Variants in ABCA3 observed in about 807,000 individuals in gnomAD.
The protein encoded by ABCA3 is phospholipid-transporting ATPase ABCA3.
ABCA3 carries 88 observed loss-of-function variants against 172.8 expected under a neutral mutation model. The ratio of observed to expected loss-of-function variants is 0.51; its 90% CI spans 0.43 to 0.61. The LOEUF is 0.61. Among genes scored for constraint, ABCA3 ranks in the 20% least tolerant of loss-of-function variants. The pLI is 0.00. For missense variants in ABCA3, 2,164 were observed against 2,301.0 expected (o/e 0.94, Z 1.22); for synonymous variants, 1,066 against 983.8 (o/e 1.08, Z -1.56).
chr16:2,304,062 C>T lies in ABCA3; in HGVS notation c.1374G>A (p.Leu458=), dbSNP rs1417602268. The change falls in exon 12 of 33, where the codon CTG becomes CTA. Residue 458 remains leucine, a synonymous_variant. Transcript: ENST00000301732. ...CFGQVLGMLL[L]DSVLYGLVTW... The stretch of plus-strand genomic sequence containing the variant: ...TCACCAGGCCATAGAGCACAGAGTC[C>T]AGCAGCAGCATCCCCAGCACCTGCC... 3 of 1,614,182 alleles carry T rather than the reference C, an allele frequency of 1.9e-6. No individual in the cohort carries two copies. Among genetic ancestry groups the T allele is most frequent in the Non-Finnish European group, 2.5e-6 (3 of 1,180,034 alleles).
intron 12 of ABCA3, among the ~76,000 whole-genome samples, chr16:2,303,141 C>T (rs886280125): frequency 6.6e-6 from 1 of 151,848 alleles, no homozygotes; most frequent in African/African-American, 2.4e-5. Flanking sequence ...GTCCATCCAT[C>T]TGTGCTCTAT....
intron 18 of ABCA3, among the ~76,000 whole-genome samples, chr16:2,292,816 AT>A (rs1462841797): frequency 2.0e-5 from 3 of 151,514 alleles, no homozygotes; most frequent in Admixed American, 6.6e-5. Context: ...CTACCCAGTC[AT>A]GGCGGCTTGT....
Position 2,304,978 on chromosome 16 carries a change from A to AT in ABCA3, c.1286-829dup, listed in dbSNP as rs552004074. Among the ~76,000 whole-genome samples, 1,330 of 151,570 alleles carry AT rather than the reference A, an allele frequency of 8.8e-3. 24 individuals carry two copies. The highest frequency in any genetic ancestry group is 0.03 in the African/African-American group (1,245 of 41,284). ...GCGTGAGCCACTGCAACCAGCCCTA[A>AT]TTTTTTTGTATTTTAGTAGAGATGG... On this transcript the variant is annotated intron_variant, in intron 11 of 32. Transcript: ENST00000301732.
In ABCA3 at chr16:2,286,421, C is replaced by A. The variant is rs780766622; in HGVS notation, c.3278+273G>T. On this transcript the variant is annotated intron_variant, in intron 22 of 32. Coordinates refer to ENST00000301732, the MANE Select transcript of ABCA3 (RefSeq NM_001089.3). This position sits in a 1 kb window ranked among gnomAD's most constrained non-coding sequence, Gnocchi z 5.2. ...AGCGAGGACAGTGGCTGACAGGAGC[C>A]AGGTAGATTTAGGAGGAGAAGGCAG... Among the ~76,000 whole-genome samples the A allele has an allele frequency of 7.9e-5, 12 of 151,500 alleles. No individual in the cohort carries two copies. The highest frequency in any genetic ancestry group is 1.6e-4 in the Non-Finnish European group (11 of 67,858).
rs1432917128 is a variant in ABCA3 at position 2,286,255 on chromosome 16, C to G, written c.3278+439G>C. 6.6e-6 allele frequency among the ~76,000 whole-genome samples: 1 copy of G among 152,162 alleles called. No individual in the cohort carries two copies. Among genetic ancestry groups the G allele is most frequent in the Non-Finnish European group, 1.5e-5 (1 of 68,018 alleles). On this transcript the variant is annotated intron_variant, in intron 22 of 32. Coordinates refer to ENST00000301732, the MANE Select transcript of ABCA3 (RefSeq NM_001089.3). This position sits in a 1 kb window ranked among gnomAD's most constrained non-coding sequence, Gnocchi z 5.2. The stretch of plus-strand genomic sequence containing the variant: ...GGCCGGCATAGGGGGTAGCCCTGCC[C>G]ACACAATGGCATGGCAGGCTCCCGA...
At chr16:2,317,604 G>A in intron 9 of ABCA3, 44 bp downstream of exon 9, 1 of 1,607,820 alleles carries the variant, frequency 6.2e-7, no homozygotes, top group Non-Finnish European at 8.5e-7. Flanking sequence ...GGGGTGCCCT[G>A]GCTCTCCCCG....
chr16:2,319,282 G>A (rs1026382456), intron 8 of ABCA3, among the ~76,000 whole-genome samples: 4 of 152,084 alleles, frequency 2.6e-5, no homozygotes, highest in Admixed American at 6.6e-5. Context: ...TCAGGAGATT[G>A]AGACCATCCT....
intron 11 of ABCA3, among the ~76,000 whole-genome samples, chr16:2,307,958 G>T (rs2093700462): frequency 6.6e-6 from 1 of 152,230 alleles, no homozygotes; most frequent in South Asian, 2.1e-4. Context: ...GCCAGATGTG[G>T]TGGCTCACGC....
In ABCA3 at chr16:2,304,002, G is replaced by A. The variant is rs199642666; in HGVS notation, c.1434C>T (p.Phe478=). ...WYMEAVFPGQ[F]GVPQPWYFFI... ...AGAAGTACCAGGGCTGAGGCACGCC[G>A]AACTGCCCTGGGAAGACGGCCTCCA... Residue 478 remains phenylalanine (F), a synonymous_variant, in exon 12 of 33, where the codon TTC becomes TTT. Transcript: ENST00000301732. 2.5e-5 allele frequency: 40 copies of A among 1,614,164 alleles called. No individual in the cohort carries two copies. The highest frequency in any genetic ancestry group is 1.2e-4 in the Admixed American group (7 of 60,014).
intron 28 of ABCA3, 106 bp downstream of exon 28, chr16:2,280,921 A>T: frequency 2.1e-6 from 3 of 1,459,858 alleles, no homozygotes; most frequent in Non-Finnish European, 2.9e-6. Context: ...TTCAAGCCAC[A>T]GATGCAGCAG....
chr16:2,320,106 T>TC (rs1476315860), intron 7 of ABCA3, among the ~76,000 whole-genome samples: 1 of 151,824 alleles, frequency 6.6e-6, no homozygotes, highest in East Asian at 1.9e-4. Flanking sequence ...ATGATCACTT[T>TC]TTTTTTTTTT....
chr16:2,337,501 A>G (rs1440153658), intron 1 of ABCA3, among the ~76,000 whole-genome samples: 9 of 151,090 alleles, frequency 6.0e-5, no homozygotes, highest in Non-Finnish European at 1.5e-5. Context: ...AGTCTCCCAA[A>G]TAGCTGGGAC....
chr16:2,293,639 G>A (rs2093675472), intron 18 of ABCA3, among the ~76,000 whole-genome samples: 2 of 151,338 alleles, frequency 1.3e-5, no homozygotes, highest in African/African-American at 4.9e-5. Context: ...CCGGCTTCAT[G>A]CCATTCTCTT....
chr16:2,326,565 C>T, intron 3 of ABCA3, 73 bp from the exon 4 acceptor site: 1 of 1,477,620 alleles, frequency 6.8e-7, no homozygotes, highest in Non-Finnish European at 9.2e-7. Context: ...GGGGAAAAGC[C>T]ATGGACCCTT....
At position 2,324,425 on chromosome 16, in the gene ABCA3, G is replaced by C. The variant is rs1225097630; in HGVS notation, c.426C>G (p.Ser142Arg). 15 of 1,602,964 alleles carry C rather than the reference G, an allele frequency of 9.4e-6. No individual in the cohort carries two copies. Among genetic ancestry groups the C allele is most frequent in the Non-Finnish European group, 1.2e-5 (14 of 1,178,310 alleles). Residue 142 changes from serine (S) to arginine (R), a missense_variant, in exon 6 of 33, where the codon AGC becomes AGG. Around this residue, in one of 3 missense-constraint regions of ABCA3, gnomAD observed 1,343 missense variants for 1,369.6 expected, o/e 0.98. Coordinates refer to ENST00000301732, the MANE Select transcript of ABCA3 (RefSeq NM_001089.3). The part of the protein sequence containing the change: ...AVVFEHPFNH[S>R]KEPLPLAVKY... ...TCACCGCCAGCGGCAGGGGCTCCTT[G>C]CTGTGGTTGAAGGGGTGCTCGAAGA...
chr16:2,289,807 A>G (rs555579131), intron 19 of ABCA3, among the ~76,000 whole-genome samples, 187 bp from the exon 20 acceptor site: 1 of 152,294 alleles, frequency 6.6e-6, no homozygotes, highest in South Asian at 2.1e-4. Context: ...TTGTATTTTT[A>G]GTAGACATAG....
intron 1 of ABCA3, chr16:2,339,267 C>G (rs2093756639): frequency 6.6e-6 from 1 of 152,188 alleles, no homozygotes; most frequent in African/African-American, 2.4e-5. Context: ...GGAAGGCTAA[C>G]ATCTTTTTAG....
At chr16:2,330,910 C>T (rs2093742164) in intron 1 of ABCA3, among the ~76,000 whole-genome samples, 1 of 151,834 alleles carries the variant, frequency 6.6e-6, no homozygotes, top group African/African-American at 2.4e-5. Flanking sequence ...CCTGTGCTAG[C>T]CAGGATGGTC....
chr16:2,308,747 G>A (rs943853952), intron 10 of ABCA3, 124 bp from the exon 11 acceptor site: 3 of 1,115,092 alleles, frequency 2.7e-6, no homozygotes, highest in African/African-American at 3.1e-5. Flanking sequence ...CCTGGCACTT[G>A]CCATCTACAC....
Sources: gnomAD v4.1 joint callset for allele counts (sites outside exome capture counted in the v4.1 genomes callset) on GRCh38, gnomAD v4.1.1 for gene constraint, gnomAD v4.1.1 regional missense constraint, Gnocchi (gnomAD v3.1) non-coding constraint, MANE v1.5 for transcripts, NCBI Gene and HGNC (gene_info 2026-07-23, HGNC 2026-07-21) for gene names.